The following GRIN2B variants were observed in gnomAD, a reference collection of about 807,000 sequenced individuals.
The protein encoded by GRIN2B is glutamate receptor ionotropic, NMDA 2B.
GRIN2B carries 5 observed loss-of-function variants against 114.5 expected under a neutral mutation model. The observed-to-expected ratio is 0.04, with a 90% CI of 0.02 to 0.09. The LOEUF (loss-of-function observed/expected upper bound fraction) is 0.09. GRIN2B is among the 10% of genes least tolerant of loss of function. The pLI is 1.00. For synonymous variants in GRIN2B, 787 were observed against 745.1 expected (o/e 1.06, Z -0.92); for missense variants, 1,108 against 1,943.5 (o/e 0.57, Z 8.08).
At chr12:13,926,492 AC>A (rs1423242589) in intron 2 of GRIN2B, among the ~76,000 whole-genome samples, 3 of 152,174 alleles carry the variant, frequency 2.0e-5, no homozygotes. Flanking sequence ...ACCACCTTGT[AC>A]GATAACCCTC....
intron 3 of GRIN2B, among the ~76,000 whole-genome samples, chr12:13,764,420 A>G (rs1162335693): frequency 6.6e-6 from 1 of 152,104 alleles, no homozygotes; most frequent in South Asian, 2.1e-4. Context: ...AATTCCACAG[A>G]TAAAGACCCC....
At chr12:13,810,447 A>G (rs896870315) in intron 3 of GRIN2B, among the ~76,000 whole-genome samples, 32 of 152,142 alleles carry the variant, frequency 2.1e-4, no homozygotes, top group African/African-American at 7.5e-4. Context: ...TCTACTCAGT[A>G]GCTTCGAGGT....
chr12:13,709,177 G>T (rs1354071781), intron 4 of GRIN2B, among the ~76,000 whole-genome samples: 1 of 151,970 alleles, frequency 6.6e-6, no homozygotes, highest in African/African-American at 2.4e-5. Context: ...AGATTGAGAA[G>T]AACACCAGAA....
At chr12:13,643,780 G>A (rs1477258724) in intron 5 of GRIN2B, among the ~76,000 whole-genome samples, 2 of 152,038 alleles carry the variant, frequency 1.3e-5, no homozygotes, top group Non-Finnish European at 2.9e-5. Context: ...ATCTTCATTA[G>A]GAATAGATTT....
At chr12:13,979,411 A>G (rs1863089336) in intron 2 of GRIN2B, among the ~76,000 whole-genome samples, 1 of 152,028 alleles carries the variant, frequency 6.6e-6, no homozygotes, top group African/African-American at 2.4e-5. Context: ...CAACAATCAC[A>G]GTAATCTCAA....
intron 3 of GRIN2B, among the ~76,000 whole-genome samples, chr12:13,774,929 G>A (rs576233402): frequency 6.6e-6 from 1 of 152,268 alleles, no homozygotes; most frequent in East Asian, 1.9e-4. Context: ...AGGAAAGGAA[G>A]AGATCACATG....
chr12:13,933,369 C>T (rs1034952814), intron 2 of GRIN2B, among the ~76,000 whole-genome samples: 1 of 152,204 alleles, frequency 6.6e-6, no homozygotes, highest in Non-Finnish European at 1.5e-5. Flanking sequence ...TATATATCTC[C>T]GTTTTGGTCA....
At chr12:13,946,726 A>G (rs922166341) in intron 2 of GRIN2B, among the ~76,000 whole-genome samples, 2 of 152,198 alleles carry the variant, frequency 1.3e-5, no homozygotes, top group Admixed American at 1.3e-4. Context: ...TAAATGGTAA[A>G]ATCTTATTAC....
At chr12:13,626,818 CCA>C (rs1949573331) in intron 5 of GRIN2B, among the ~76,000 whole-genome samples, 1 of 62,460 alleles carries the variant, frequency 1.6e-5, no homozygotes, top group African/African-American at 6.7e-5. Context: ...CCCCTCCCCC[CCA>C]CCCTCCCCCC....
chr12:13,760,999 T>C (rs1374571175), intron 3 of GRIN2B, among the ~76,000 whole-genome samples: 1 of 152,190 alleles, frequency 6.6e-6, no homozygotes, highest in Non-Finnish European at 1.5e-5. Context: ...AAATTTCCGA[T>C]GTTCTCCAGC....
chr12:13,671,157 T>C (rs1387757179), intron 5 of GRIN2B, among the ~76,000 whole-genome samples: 1 of 152,150 alleles, frequency 6.6e-6, no homozygotes, highest in Non-Finnish European at 1.5e-5. Flanking sequence ...TTTTTTACCA[T>C]GTGCAAATAT....
At chr12:13,677,004 C>T in intron 4 of GRIN2B, among the ~76,000 whole-genome samples, 1 of 152,124 alleles carries the variant, frequency 6.6e-6, no homozygotes, top group East Asian at 1.9e-4. Context: ...CACCCTTTTC[C>T]CCTCTGGCTG....
chr12:13,930,387 T>G (rs1333484562), intron 2 of GRIN2B, among the ~76,000 whole-genome samples: 1 of 152,082 alleles, frequency 6.6e-6, no homozygotes, highest in Non-Finnish European at 1.5e-5. Context: ...GGTGGGCAGA[T>G]TCATGGTGCA....
intron 3 of GRIN2B, among the ~76,000 whole-genome samples, chr12:13,754,506 A>G (rs916443914): frequency 1.2e-4 from 18 of 152,246 alleles, no homozygotes; most frequent in Non-Finnish European, 2.9e-5. Flanking sequence ...GTGGTCCAGA[A>G]GGTGAATGGT....
chr12:13,666,709 C>T (rs1003312492), intron 5 of GRIN2B, among the ~76,000 whole-genome samples: 52 of 152,214 alleles, frequency 3.4e-4, no homozygotes, highest in African/African-American at 1.2e-3. Flanking sequence ...TTCTGGCCAG[C>T]TCTCATAAAT....
intron 3 of GRIN2B, among the ~76,000 whole-genome samples, chr12:13,841,124 T>C (rs1017194100): frequency 1.3e-5 from 2 of 152,148 alleles, no homozygotes; most frequent in South Asian, 4.1e-4. Context: ...TGTAGATAAA[T>C]GTGAAGTTAT....
At chr12:13,811,491 G>A (rs1864728993) in intron 3 of GRIN2B, among the ~76,000 whole-genome samples, 1 of 152,212 alleles carries the variant, frequency 6.6e-6, no homozygotes, top group African/African-American at 2.4e-5. Flanking sequence ...TGAGGCAGGA[G>A]GATCACTTGA....
At chr12:13,925,870 G>A (rs548119831) in intron 2 of GRIN2B, among the ~76,000 whole-genome samples, 18 of 152,188 alleles carry the variant, frequency 1.2e-4, no homozygotes, top group Non-Finnish European at 1.8e-4. Context: ...CAGAGTGACG[G>A]GCTTTTACAT....
intron 4 of GRIN2B, among the ~76,000 whole-genome samples, chr12:13,748,721 T>C (rs1863430553): frequency 6.6e-6 from 1 of 152,230 alleles, no homozygotes. Flanking sequence ...CATTGTACTA[T>C]ATTTATTAAT....
Sources: gnomAD v4.1 joint callset for allele counts (sites outside exome capture counted in the v4.1 genomes callset) on GRCh38, gnomAD v4.1.1 for gene constraint, MANE v1.5 for transcripts, NCBI Gene and HGNC (gene_info 2026-07-23, HGNC 2026-07-21) for gene names.